SCYL2: variants seen among roughly 807,000 people sequenced by gnomAD.
SCYL2 encodes the protein SCY1 like pseudokinase 2.
In SCYL2, 36 loss-of-function variants were observed where a neutral mutation model predicts 100.4. The observed-to-expected ratio is 0.36, with a 90% confidence interval of 0.27 to 0.47. The LOEUF is 0.47. SCYL2 is among the 20% of genes least tolerant of loss of function. The pLI is 1.00. For missense variants in SCYL2, 902 were observed against 1,083.9 expected (o/e 0.83, Z 2.36); for synonymous variants, 330 against 359.2 (o/e 0.92, Z 0.92).
chr12:100,273,222 T>C (rs1472637920), intron 1 of SCYL2, among the ~76,000 whole-genome samples: 1 of 152,164 alleles, frequency 6.6e-6, no homozygotes, highest in Admixed American at 6.5e-5. Flanking sequence ...CTTCTTTTTC[T>C]TCAGCTTTTA....
intron 1 of SCYL2, among the ~76,000 whole-genome samples, chr12:100,274,447 A>G (rs1360474160): frequency 6.6e-6 from 1 of 152,208 alleles, no homozygotes; most frequent in African/African-American, 2.4e-5. Flanking sequence ...CTCTGTGACA[A>G]CCATCTTCTT....
intron 16 of SCYL2, among the ~76,000 whole-genome samples, chr12:100,336,111 T>G (rs1376282341): frequency 6.6e-6 from 1 of 152,190 alleles, no homozygotes; most frequent in East Asian, 1.9e-4. Flanking sequence ...CCATTATTAC[T>G]TGACTTGCCA....
intron 8 of SCYL2, among the ~76,000 whole-genome samples, chr12:100,315,092 A>C (rs1333548190): frequency 2.6e-5 from 4 of 152,238 alleles, no homozygotes; most frequent in Admixed American, 6.5e-5. Context: ...GATATTCGTT[A>C]GTTACCTACT....
intron 10 of SCYL2, among the ~76,000 whole-genome samples, chr12:100,320,462 G>T (rs7973172): frequency 0.22 from 34,136 of 151,806 alleles, 4,320 homozygotes; most frequent in African/African-American, 0.33. Context: ...CAGGGAGAAT[G>T]GCTTGAACCC....
At chr12:100,336,565 C>T (rs1038460910) in intron 16 of SCYL2, among the ~76,000 whole-genome samples, 3 of 152,050 alleles carry the variant, frequency 2.0e-5, no homozygotes, top group Non-Finnish European at 2.9e-5. Flanking sequence ...ATGTACCCTT[C>T]TTGGTTTATT....
chr12:100,316,400 A>G (rs184887092), intron 9 of SCYL2, among the ~76,000 whole-genome samples: 6 of 152,316 alleles, frequency 3.9e-5, no homozygotes, highest in Admixed American at 2.6e-4. Flanking sequence ...TAAAGCTTCT[A>G]TTTCCTCATT....
intron 8 of SCYL2, 23 bp from the exon 9 acceptor site, chr12:100,315,535 T>TAA: frequency 6.5e-7 from 1 of 1,543,870 alleles, no homozygotes; most frequent in Non-Finnish European, 8.7e-7. Flanking sequence ...ATTTTTTTTT[T>TAA]AAAAAACATT....
chr12:100,335,773 T>C, intron 15 of SCYL2, 38 bp from the exon 16 acceptor site: 1 of 1,598,314 alleles, frequency 6.3e-7, no homozygotes, highest in Admixed American at 1.7e-5. Flanking sequence ...CACATTTTTA[T>C]TGAACTTATT....
rs778408336 is a variant in SCYL2, at chr12:100,302,885, C to T, written c.480+4710C>T. ...CCATTCTCCTTATCACCTTCAGGTA[C>T]ACCAGTCAAACGGAGGTTTGGTCTT... On this transcript the variant is annotated intron_variant, in intron 4 of 17. Coordinates refer to ENST00000360820, the MANE Select transcript of SCYL2 (RefSeq NM_017988.6). Among the ~76,000 whole-genome samples, 111 of 152,144 alleles carry T rather than the reference C, an allele frequency of 7.3e-4. 1 individual carries two copies. The highest frequency in any genetic ancestry group is 1.0e-4 in the Non-Finnish European group (7 of 68,036).
intron 4 of SCYL2, among the ~76,000 whole-genome samples, chr12:100,302,411 A>G (rs944686898): frequency 1.3e-5 from 2 of 152,068 alleles, no homozygotes; most frequent in Non-Finnish European, 2.9e-5. Context: ...TCCTTTCCAT[A>G]TTTAGTGCTT....
intron 9 of SCYL2, among the ~76,000 whole-genome samples, chr12:100,317,076 A>G (rs988102510): frequency 2.4e-4 from 36 of 151,872 alleles, no homozygotes; most frequent in African/African-American, 8.5e-4. Context: ...AGCCTGGGTG[A>G]CAGAGTGAGT....
intron 4 of SCYL2, among the ~76,000 whole-genome samples, chr12:100,307,051 T>A (rs1218279819): frequency 6.6e-6 from 1 of 152,180 alleles, no homozygotes; most frequent in Non-Finnish European, 1.5e-5. Flanking sequence ...ATTAATATTG[T>A]GAAAATGGCC....
At chr12:100,306,948 G>A (rs556341670) in intron 4 of SCYL2, among the ~76,000 whole-genome samples, 2 of 152,232 alleles carry the variant, frequency 1.3e-5, no homozygotes, top group East Asian at 3.9e-4. Context: ...GGATGTGAAG[G>A]ACCTCTTCAA....
At position 100,339,063 on chromosome 12, in the gene SCYL2, T is replaced by C. The variant is rs925812650; in HGVS notation, c.2681T>C (p.Phe894Ser). 3 of 1,613,986 alleles carry C rather than the reference T, an allele frequency of 1.9e-6. No homozygotes were observed. The African/African-American group carries it at 4.0e-5, about 22-fold the overall frequency. ...ATGAACGTGATAGGACAATCTGCTT[T>C]TGGTATGCAGGGTAATCCTTTCTTT... ...TQMNVIGQSA[F>S]GMQGNPFFNP... The change falls in exon 18 of 18, where the codon TTT becomes TCT. Residue 894 changes from phenylalanine (F) to serine (S), a missense_variant. Phe to Ser is a radical substitution (Grantham distance 155, BLOSUM62 -2). Coordinates refer to ENST00000360820, the MANE Select transcript of SCYL2 (RefSeq NM_017988.6).
At chr12:100,301,141 C>T (rs2096327070) in intron 4 of SCYL2, among the ~76,000 whole-genome samples, 1 of 152,174 alleles carries the variant, frequency 6.6e-6, no homozygotes, top group African/African-American at 2.4e-5. Flanking sequence ...TCTATATTCT[C>T]CACATCTTCT....
At chr12:100,286,943 T>C (rs1342182848) in intron 2 of SCYL2, among the ~76,000 whole-genome samples, 2 of 152,170 alleles carry the variant, frequency 1.3e-5, no homozygotes, top group African/African-American at 2.4e-5. Flanking sequence ...CAGCAACTTA[T>C]TTTTAACTTA....
At chr12:100,288,540 C>T (rs1283790253) in intron 2 of SCYL2, among the ~76,000 whole-genome samples, 2 of 151,956 alleles carry the variant, frequency 1.3e-5, no homozygotes, top group African/African-American at 2.4e-5. Context: ...TTTATATATA[C>T]TTAGAACACC....
At position 100,339,386 on chromosome 12, in the gene SCYL2, T is replaced by C. The variant is rs967409534; in HGVS notation, c.*214T>C. On this transcript the variant is annotated 3_prime_UTR_variant, in exon 18 of 18. Coordinates refer to ENST00000360820, the MANE Select transcript of SCYL2 (RefSeq NM_017988.6). The stretch of plus-strand genomic sequence containing the variant: ...TTGAGGATTTTTTCCTCTTACCAAC[T>C]CCTCTTCAGGTTTTTAAAGACCCAG... The C allele has an allele frequency of 3.4e-5, 17 of 495,380 alleles. No homozygotes were observed. Among genetic ancestry groups the C allele is most frequent in the Non-Finnish European group, 5.6e-5 (16 of 285,516 alleles). The allele number at this position is 495,380 out of a possible 1,614,324, so 30.7% of individuals were successfully genotyped here.
chr12:100,267,246 G>C lies in SCYL2; in HGVS notation c.-575G>C. On this transcript the variant is annotated 5_prime_UTR_variant, in exon 1 of 18. Coordinates refer to ENST00000360820, the MANE Select transcript of SCYL2 (RefSeq NM_017988.6). ...TCCCCACCCCTTTCCTTCTAGCTCC[G>C]ACGTTTGCGGCCGCGGGGGCGGCGG... 1.5e-6 allele frequency: 1 copy of C among 668,074 alleles called. No individual in the cohort carries two copies. Among genetic ancestry groups the C allele is most frequent in the Non-Finnish European group, 2.4e-6 (1 of 414,816 alleles). The allele number at this position is 668,074 out of a possible 1,614,324, so 41.4% of individuals were successfully genotyped here. A position where few individuals can be genotyped will look rare whatever the true frequency, so the allele number is the denominator to read the frequency against.
Sources: gnomAD v4.1 joint callset for allele counts (sites outside exome capture counted in the v4.1 genomes callset) on GRCh38, gnomAD v4.1.1 for gene constraint, MANE v1.5 for transcripts, NCBI Gene and HGNC (gene_info 2026-07-23, HGNC 2026-07-21) for gene names.